Variants in MAPT observed in about 807,000 individuals in gnomAD.
MAPT encodes the protein microtubule associated protein tau, also known as microtubule-associated protein tau.
Under a neutral mutation model 67.9 loss-of-function variants are expected in MAPT, and 34 were observed. The ratio of observed to expected loss-of-function variants is 0.50; its 90% confidence interval spans 0.38 to 0.67. MAPT has a LOEUF of 0.67. Among genes scored for constraint, MAPT ranks in the 30% least tolerant of loss-of-function variants. The pLI is 0.00. For synonymous variants in MAPT, 456 were observed against 464.5 expected (o/e 0.98, Z 0.23); for missense variants, 881 against 1,115.2 (o/e 0.79, Z 2.99).
chr17:45,969,915 AC>A (rs1157349676), intron 2 of MAPT, among the ~76,000 whole-genome samples: 3 of 151,160 alleles, frequency 2.0e-5, no homozygotes, highest in Admixed American at 6.6e-5. Context: ...ATTTGATCAT[AC>A]ATATATCATC....
intron 1 of MAPT, among the ~76,000 whole-genome samples, chr17:45,937,652 A>AG (rs2067467060): frequency 2.0e-5 from 3 of 151,438 alleles, no homozygotes. Flanking sequence ...AAAAAAAAAA[A>AG]GAAGGGAAGG....
At chr17:46,003,684 G>A (rs917501151) in intron 9 of MAPT, among the ~76,000 whole-genome samples, 10 of 152,150 alleles carry the variant, frequency 6.6e-5, no homozygotes, top group Admixed American at 4.6e-4. Flanking sequence ...ACGTGGAATC[G>A]TTTGCCTCTC....
At chr17:45,972,569 A>G (rs1338541936) in intron 3 of MAPT, among the ~76,000 whole-genome samples, 1 of 152,196 alleles carries the variant, frequency 6.6e-6, no homozygotes, top group African/African-American at 2.4e-5. Flanking sequence ...AACCCCAACT[A>G]ACTGTGGCAT....
chr17:45,927,303 G>A (rs899170660), intron 1 of MAPT, among the ~76,000 whole-genome samples: 10 of 152,216 alleles, frequency 6.6e-5, no homozygotes, highest in African/African-American at 1.7e-4. Context: ...GGGGGTAGTC[G>A]CTGAGGTGTG....
intron 1 of MAPT, among the ~76,000 whole-genome samples, chr17:45,941,705 G>GCCTTCCTTCCTTCCTTCCTT (rs1201409768): frequency 7.8e-5 from 2 of 25,610 alleles, no homozygotes; most frequent in Admixed American, 3.8e-4. Flanking sequence ...CTTCCTGCCT[G>GCCTTCCTTCCTTCCTTCCTT]CCTTCCTTCC....
intron 1 of MAPT, among the ~76,000 whole-genome samples, chr17:45,923,626 A>C (rs887513712): frequency 6.6e-6 from 1 of 152,256 alleles, no homozygotes; most frequent in Admixed American, 6.5e-5. Context: ...TCAGCTTTGC[A>C]TGCGACCTTG....
intron 1 of MAPT, among the ~76,000 whole-genome samples, chr17:45,935,645 C>G (rs1188831804): frequency 2.0e-5 from 3 of 152,168 alleles, no homozygotes; most frequent in Admixed American, 6.5e-5. Context: ...CCAAATCTCT[C>G]TGATCCGGGC....
intron 1 of MAPT, among the ~76,000 whole-genome samples, chr17:45,949,845 A>G (rs1360518347): frequency 6.6e-6 from 1 of 152,146 alleles, no homozygotes; most frequent in Non-Finnish European, 1.5e-5. Flanking sequence ...AGGAAGGCGG[A>G]TTGGTCATCA....
intron 3 of MAPT, chr17:45,976,066 C>T (rs577356351): frequency 6.6e-6 from 1 of 152,388 alleles, no homozygotes; most frequent in East Asian, 1.9e-4. Flanking sequence ...TGCAGCCTCA[C>T]CTCTGAGGTC....
intron 9 of MAPT, among the ~76,000 whole-genome samples, chr17:46,003,707 C>T (rs1396205755): frequency 6.6e-6 from 1 of 152,154 alleles, no homozygotes; most frequent in Non-Finnish European, 1.5e-5. Context: ...CAATCAGGGC[C>T]AGGGATGCAG....
At chr17:45,914,666 C>A (rs139047512) in intron 1 of MAPT, among the ~76,000 whole-genome samples, 144 of 151,902 alleles carry the variant, frequency 9.5e-4, no homozygotes, top group African/African-American at 3.4e-3. Context: ...AGGGAGATGT[C>A]ATTTCCATTT....
At chr17:46,021,660 C>T (rs990645541) in intron 12 of MAPT, among the ~76,000 whole-genome samples, 4 of 152,220 alleles carry the variant, frequency 2.6e-5, no homozygotes, top group Admixed American at 2.0e-4. Context: ...GCTGTACCTA[C>T]GTCCCGGGGT....
At chr17:46,020,327 G>C (rs2076448582) in intron 12 of MAPT, among the ~76,000 whole-genome samples, 1 of 152,154 alleles carries the variant, frequency 6.6e-6, no homozygotes, top group Non-Finnish European at 1.5e-5. Flanking sequence ...GTGGCGCTGG[G>C]TGAGCTCTGT....
At chr17:45,951,623 G>C (rs1197612799) in intron 1 of MAPT, among the ~76,000 whole-genome samples, 2 of 152,044 alleles carry the variant, frequency 1.3e-5, no homozygotes, top group Non-Finnish European at 2.9e-5. Context: ...TACGAGGCAT[G>C]AATTGAGACT....
At position 45,941,705 on chromosome 17, in the gene MAPT, GCCTTCCTTCCTTCCTTCCTT is replaced by G. The variant is rs1201409768; in HGVS notation, c.-17-20584_-17-20565del. 1.1e-3 allele frequency among the ~76,000 whole-genome samples: 27 copies of G among 25,610 alleles called. 1 individual carries two copies. Among genetic ancestry groups the G allele is most frequent in the African/African-American group, 2.7e-3 (25 of 9,114 alleles). 16.8% of individuals were successfully genotyped at this position (25,610 alleles called of 152,430 possible). ...CTCCTTCCTTCCTTCCTTCCTGCCT[GCCTTCCTTCCTTCCTTCCTT>G]CCTTCCTTCCTTCCTTCCTTCCTTC... On this transcript the variant is annotated intron_variant, in intron 1 of 12. Coordinates refer to ENST00000262410, the MANE Select transcript of MAPT (RefSeq NM_001377265.1).
rs2073531596 is a variant in MAPT, at chr17:45,986,301, GC to G, written c.1352-736del. ...CAAAGCCACCATTAGTGAGGGGCAG[GC>G]CCTGGGGGTACAACCAGCAACTAGG... On this transcript the variant is annotated intron_variant, in intron 5 of 12. Coordinates refer to ENST00000262410, the MANE Select transcript of MAPT (RefSeq NM_001377265.1). 2.0e-5 allele frequency among the ~76,000 whole-genome samples: 3 copies of G among 152,206 alleles called. No homozygotes were observed. In the South Asian group the frequency reaches 6.2e-4, roughly 32 times the overall value.
chr17:45,936,377 G>A (rs2144795471), intron 1 of MAPT, among the ~76,000 whole-genome samples: 1 of 152,332 alleles, frequency 6.6e-6, no homozygotes, highest in South Asian at 2.1e-4. Context: ...CTGCCCACAG[G>A]TATCCAGGGG....
intron 1 of MAPT, 118 bp downstream of exon 1, chr17:45,894,804 C>T: frequency 6.5e-6 from 1 of 152,686 alleles, no homozygotes. Context: ...TCGGTCGGGG[C>T]CACCGCAGGG....
intron 8 of MAPT, among the ~76,000 whole-genome samples, chr17:45,992,906 A>G (rs1267388966): frequency 6.6e-6 from 1 of 151,998 alleles, no homozygotes; most frequent in Admixed American, 6.6e-5. Context: ...AAAAAAAAAA[A>G]AAAACAGTCG....
Sources: allele counts gnomAD v4.1 joint callset (sites outside exome capture counted in the v4.1 genomes callset), GRCh38; gene constraint gnomAD v4.1.1; transcripts MANE v1.5; gene names NCBI Gene and HGNC (gene_info 2026-07-23, HGNC 2026-07-21).